The following MUC22 variants were observed in gnomAD, a reference collection of about 807,000 sequenced individuals.
MUC22 encodes mucin-22.
Under a neutral mutation model 40.3 loss-of-function variants are expected in MUC22, and 24 were observed. That is an observed-to-expected ratio of 0.60 (90% CI 0.43 to 0.84). The LOEUF (loss-of-function observed/expected upper bound fraction) is 0.84, where lower values mean the gene tolerates loss of function less well. Ranked by LOEUF, MUC22 falls within the 40% of genes least tolerant of loss-of-function variation. The pLI, the probability that MUC22 is intolerant of heterozygous loss-of-function variation, is 0.00. For synonymous variants in MUC22, 765 were observed against 844.5 expected (o/e 0.91, Z 1.63); for missense variants, 1,926 against 2,130.7 (o/e 0.90, Z 1.89).
chr6:31,013,959 A>C (rs531486629), intron 1 of MUC22, among the ~76,000 whole-genome samples: 1 of 152,216 alleles, frequency 6.6e-6, no homozygotes, highest in Admixed American at 6.5e-5. Context: ...CCCCCTACAC[A>C]CTTACTGTCT....
rs1395684041 is a variant in MUC22, at chr6:31,032,661, C to A, written c.5055+80C>A. 7.0e-7 allele frequency: 1 copy of A among 1,423,254 alleles called. No homozygotes were observed. The highest frequency in any genetic ancestry group is 2.4e-5 in the Admixed American group (1 of 41,942). 88.2% of individuals were successfully genotyped at this position (1,423,254 alleles called of 1,614,324 possible). A position where few individuals can be genotyped will look rare whatever the true frequency, so the allele number is the denominator to read the frequency against. On this transcript the variant is annotated intron_variant, in intron 3 of 3. Transcript: ENST00000561890. The surrounding 1 kb of genome is among the most constrained non-coding windows in gnomAD (Gnocchi z 4.1). Reference sequence around the variant, plus strand: ...CATGTCAGCAGTGCTTTGGAAAAATCCAGAATGAGAAAGGGGAGTAAGTTG... The same window carrying A: ...CATGTCAGCAGTGCTTTGGAAAAATACAGAATGAGAAAGGGGAGTAAGTTG...
At chr6:31,025,564 T>A (rs1328388404) in exon 2 of MUC22, 1 of 1,525,500 alleles carries the variant, frequency 6.6e-7, no homozygotes, top group African/African-American at 1.4e-5. Flanking sequence ...CATCACAGGC[T>A]CTGAGACCAC....
chr6:31,025,685 C>T, exon 2 of MUC22: 1 of 1,531,590 alleles, frequency 6.5e-7, no homozygotes, highest in Non-Finnish European at 8.7e-7. Flanking sequence ...GCTTCTACTG[C>T]AGCCTTCACC....
chr6:31,027,661 G>A (rs1765547178), exon 2 of MUC22: 1 of 1,531,012 alleles, frequency 6.5e-7, no homozygotes. Flanking sequence ...TACAGGCTTG[G>A]AGACCACCAC....
intron 1 of MUC22, among the ~76,000 whole-genome samples, chr6:31,023,683 TTAAC>T (rs1413374381): frequency 6.6e-6 from 1 of 152,142 alleles, no homozygotes; most frequent in Admixed American, 6.5e-5. Context: ...GAAATACATT[TTAAC>T]TAACTATAAC....
upstream of MUC22, among the ~76,000 whole-genome samples, chr6:31,007,389 A>G (rs1238292841): frequency 6.6e-6 from 1 of 152,254 alleles, no homozygotes; most frequent in Non-Finnish European, 1.5e-5. This position sits in a 1 kb window ranked among gnomAD's most constrained non-coding sequence, Gnocchi z 4.0. Context: ...GGTCACAGAC[A>G]TAGACCATAT....
chr6:31,024,869 CTTTT>C (rs10685711), intron 1 of MUC22, among the ~76,000 whole-genome samples: 1 of 135,986 alleles, frequency 7.4e-6, no homozygotes, highest in African/African-American at 2.7e-5. Context: ...TTGCTGCCTT[CTTTT>C]TTTTTTTTTT....
chr6:31,010,381 C>G (rs2530718), upstream of MUC22: 70 of 306,808 alleles, frequency 2.3e-4, no homozygotes, highest in Non-Finnish European at 4.3e-5. Context: ...GAAAGCACAG[C>G]GCAGAAATGC....
chr6:31,010,463 C>T (rs1763787664), upstream of MUC22: 3 of 528,330 alleles, frequency 5.7e-6, no homozygotes, highest in South Asian at 2.6e-5. Context: ...GCCACAGACA[C>T]GTTTGCGAGG....
exon 2 of MUC22, chr6:31,028,548 C>T (rs151122038): frequency 0.018 from 27,718 of 1,530,614 alleles, 633 homozygotes; most frequent in South Asian, 0.044. Flanking sequence ...TGGCCTCTAC[C>T]ATAGGCTCTG....
At chr6:31,012,705 C>A (rs1204914095) in intron 1 of MUC22, among the ~76,000 whole-genome samples, 1 of 152,160 alleles carries the variant, frequency 6.6e-6, no homozygotes, top group Non-Finnish European at 1.5e-5. Context: ...ACCACTAGAT[C>A]TATAAAGTAA....
chr6:31,010,563 C>T, exon 1 of MUC22: 1 of 619,362 alleles, frequency 1.6e-6, no homozygotes. Flanking sequence ...TACCCTGGCA[C>T]TGGCTGGCCT....
exon 2 of MUC22, chr6:31,026,387 C>G: frequency 1.3e-6 from 2 of 1,508,234 alleles, no homozygotes; most frequent in Non-Finnish European, 1.8e-6. Context: ...GAGATCACCA[C>G]CACCTCTACG....
intron 1 of MUC22, among the ~76,000 whole-genome samples, chr6:31,016,823 T>G (rs1443366765): frequency 6.6e-6 from 1 of 152,178 alleles, no homozygotes; most frequent in Non-Finnish European, 1.5e-5. Flanking sequence ...CCGGGCTGCC[T>G]GCGGCACTTG....
rs2150812019 is a variant in MUC22, at chr6:31,032,293, A to G, written c.4767A>G (p.Pro1589=). ...CCTCTGCTGCCAGCCATACTGTGCC[A>G]GGAATAGTCTTAAACACCTCTGGCC... The change falls in exon 3 of 4, where the codon CCA becomes CCG. Residue 1589 remains proline (P), a synonymous_variant. Transcript: ENST00000561890. This position sits in a 1 kb window ranked among gnomAD's most constrained non-coding sequence, Gnocchi z 4.1. 1 of 1,535,672 alleles carries G rather than the reference A, an allele frequency of 6.5e-7. No individual in the cohort carries two copies. Among genetic ancestry groups the G allele is most frequent in the Non-Finnish European group, 8.7e-7 (1 of 1,146,904 alleles).
chr6:31,013,129 C>CTTTTTTT (rs28381569), intron 1 of MUC22, among the ~76,000 whole-genome samples: 1,594 of 119,706 alleles, frequency 0.013, 14 homozygotes, highest in East Asian at 0.04. Context: ...CACCCCCATT[C>CTTTTTTT]TTTTTTTTTT....
intron 1 of MUC22, among the ~76,000 whole-genome samples, chr6:31,022,227 G>C (rs1052241645): frequency 6.6e-6 from 1 of 152,176 alleles, no homozygotes. Context: ...GTGAGACCAA[G>C]AACCCACCAA....
At chr6:31,021,761 G>A (rs912796944) in intron 1 of MUC22, among the ~76,000 whole-genome samples, 1 of 152,130 alleles carries the variant, frequency 6.6e-6, no homozygotes, top group African/African-American at 2.4e-5. Flanking sequence ...CAGACCACTC[G>A]GCTCTACCAA....
chr6:31,032,846 A>G lies in MUC22; in HGVS notation c.5055+265A>G, dbSNP rs1766169082. 6.6e-6 allele frequency among the ~76,000 whole-genome samples: 1 copy of G among 152,152 alleles called. No individual in the cohort carries two copies. The highest frequency in any genetic ancestry group is 1.5e-5 in the Non-Finnish European group (1 of 68,026). On this transcript the variant is annotated intron_variant, in intron 3 of 3. Transcript: ENST00000561890. This position sits in a 1 kb window ranked among gnomAD's most constrained non-coding sequence, Gnocchi z 4.1. ...GACAGAACAAGGGAAATACTGAGAGAGAACAAGGAGGACATAAACATAAAG... is the reference window on the plus strand; with the variant it reads ...GACAGAACAAGGGAAATACTGAGAGGGAACAAGGAGGACATAAACATAAAG...
Sources: gnomAD v4.1 joint callset for allele counts (sites outside exome capture counted in the v4.1 genomes callset) on GRCh38, gnomAD v4.1.1 for gene constraint, Gnocchi (gnomAD v3.1) non-coding constraint, MANE v1.5 for transcripts, NCBI Gene and HGNC (gene_info 2026-07-23, HGNC 2026-07-21) for gene names.